GUCY1A2: variants seen among roughly 807,000 people sequenced by gnomAD.
GUCY1A2 encodes the protein guanylate cyclase 1 soluble subunit alpha 2.
Under a neutral mutation model 63.5 loss-of-function variants are expected in GUCY1A2, and 27 were observed. That is an observed-to-expected ratio of 0.43 (90% CI 0.31 to 0.59). The LOEUF is 0.59. GUCY1A2 is among the 20% of genes least tolerant of loss of function. The pLI is 0.11. For missense variants in GUCY1A2, 768 were observed against 913.3 expected, an observed-to-expected ratio of 0.84 and a Z score of 2.05; for synonymous variants, 364 against 343.5, an observed-to-expected ratio of 1.06 and a Z score of -0.66.
intron 4 of GUCY1A2, chr11:106,828,021 G>A (rs1370277487): frequency 1.5e-6 from 1 of 651,000 alleles, no homozygotes; most frequent in African/African-American, 1.8e-5. Context: ...CGGGTGCTCG[G>A]GCCCTTTGCC....
At chr11:106,720,853 A>G (rs1863303666) in intron 6 of GUCY1A2, among the ~76,000 whole-genome samples, 1 of 152,176 alleles carries the variant, frequency 6.6e-6, no homozygotes, top group Non-Finnish European at 1.5e-5. Flanking sequence ...TAAATTGTAG[A>G]CTTTAGCTAA....
rs12281221 is a variant in GUCY1A2 at position 106,678,157 on chromosome 11, A to G, written c.*9392T>C. 0.016 allele frequency: 3,191 copies of G among 196,926 alleles called. 95 individuals are homozygous for G. Among genetic ancestry groups the G allele is most frequent in the African/African-American group, 0.069 (2,983 of 43,382 alleles). 12.2% of individuals were successfully genotyped at this position (196,926 alleles called of 1,614,324 possible). On this transcript the variant is annotated 3_prime_UTR_variant, in exon 8 of 8. Coordinates refer to ENST00000526355, the MANE Select transcript of GUCY1A2 (RefSeq NM_000855.3). ...TCCCCCTGAATTACTTTAGATAATT[A>G]TACAGTCCTCTAGTTTATCTAGACC...
intron 6 of GUCY1A2, among the ~76,000 whole-genome samples, chr11:106,735,949 A>C (rs142486024): frequency 6.6e-6 from 1 of 152,056 alleles, no homozygotes; most frequent in Non-Finnish European, 1.5e-5. Context: ...GTGTCTATTC[A>C]GATCTTTTAC....
At chr11:106,874,557 G>C (rs962042091) in intron 4 of GUCY1A2, among the ~76,000 whole-genome samples, 3 of 152,010 alleles carry the variant, frequency 2.0e-5, no homozygotes, top group Admixed American at 6.6e-5. Context: ...GTATGCCATT[G>C]TTATTTTCCA....
chr11:106,926,262 C>A (rs532543577), intron 4 of GUCY1A2, among the ~76,000 whole-genome samples: 1 of 152,006 alleles, frequency 6.6e-6, no homozygotes, highest in South Asian at 2.1e-4. Context: ...TTCACTACTA[C>A]TACTAATAAC....
chr11:106,712,357 A>G (rs1306085656), intron 6 of GUCY1A2, among the ~76,000 whole-genome samples: 1 of 152,170 alleles, frequency 6.6e-6, no homozygotes, highest in African/African-American at 2.4e-5. Context: ...TCAATTTGGA[A>G]TTTTTAAAAA....
intron 5 of GUCY1A2, among the ~76,000 whole-genome samples, chr11:106,795,551 T>A (rs1209187895): frequency 6.6e-6 from 1 of 152,196 alleles, no homozygotes; most frequent in Non-Finnish European, 1.5e-5. Flanking sequence ...TGCATGTGCA[T>A]GCCCTCCATC....
chr11:106,831,299 T>C (rs990734839), intron 4 of GUCY1A2, among the ~76,000 whole-genome samples: 1 of 152,142 alleles, frequency 6.6e-6, no homozygotes, highest in Non-Finnish European at 1.5e-5. Context: ...CCCGTGAACA[T>C]GAACAACGTG....
chr11:106,842,220 G>T (rs968957622), intron 4 of GUCY1A2, among the ~76,000 whole-genome samples: 1 of 151,840 alleles, frequency 6.6e-6, no homozygotes, highest in Non-Finnish European at 1.5e-5. Context: ...CCCTTCCCTT[G>T]CTCCATCAAG....
rs1862474645 is a variant in GUCY1A2, at chr11:106,683,847, TG to T, written c.*3701del. On this transcript the variant is annotated 3_prime_UTR_variant, in exon 8 of 8. Coordinates refer to ENST00000526355, the MANE Select transcript of GUCY1A2 (RefSeq NM_000855.3). ...ATGGTCATAATTTTGAGCTCCTACC[TG>T]ATGCCTTACGACTTTAGATACACAA... is the stretch of plus-strand genomic sequence containing the variant. 1 of 208,194 alleles carries T rather than the reference TG, an allele frequency of 4.8e-6. No individual in the cohort carries two copies. 12.9% of individuals were successfully genotyped at this position (208,194 alleles called of 1,614,324 possible).
chr11:106,938,396 A>G (rs1860707485), intron 4 of GUCY1A2, among the ~76,000 whole-genome samples: 1 of 152,178 alleles, frequency 6.6e-6, no homozygotes, highest in Non-Finnish European at 1.5e-5. Context: ...TTATTATTCC[A>G]GAATATGTAT....
intron 3 of GUCY1A2, among the ~76,000 whole-genome samples, chr11:106,956,075 A>G (rs1434012828): frequency 2.6e-5 from 4 of 151,252 alleles, no homozygotes; most frequent in Admixed American, 1.3e-4. Context: ...TGCTTGGTCA[A>G]TTTGGCTGTT....
intron 4 of GUCY1A2, among the ~76,000 whole-genome samples, chr11:106,840,945 GTAA>G (rs971591065): frequency 6.6e-6 from 1 of 151,908 alleles, no homozygotes; most frequent in South Asian, 2.1e-4. Context: ...GTTCAAAATG[GTAA>G]TAATAGAAGT....
rs1258717008 is a variant in GUCY1A2 at position 106,676,582 on chromosome 11, C to G, written c.*10967G>C. ...AATGTTTCCAAACCCTCAATAAGAA[C>G]TCAAAACATCATACTATGCCAAGCT... is the stretch of plus-strand genomic sequence containing the variant. On this transcript the variant is annotated 3_prime_UTR_variant, in exon 8 of 8. Coordinates refer to ENST00000526355, the MANE Select transcript of GUCY1A2 (RefSeq NM_000855.3). 1 of 186,464 alleles carries G rather than the reference C, an allele frequency of 5.4e-6. No individual in the cohort carries two copies. Among genetic ancestry groups the G allele is most frequent in the African/African-American group, 2.3e-5 (1 of 42,692 alleles). The allele number at this position is 186,464 out of a possible 1,614,324, so 11.6% of individuals were successfully genotyped here.
intron 5 of GUCY1A2, among the ~76,000 whole-genome samples, chr11:106,788,297 T>G (rs985144675): frequency 1.3e-5 from 2 of 152,134 alleles, no homozygotes; most frequent in Admixed American, 6.5e-5. Flanking sequence ...AATCTCTTGT[T>G]AGATGGGTAG....
intron 1 of GUCY1A2, among the ~76,000 whole-genome samples, chr11:107,001,605 T>C (rs1056878440): frequency 6.6e-6 from 1 of 152,236 alleles, no homozygotes; most frequent in Non-Finnish European, 1.5e-5. Context: ...ACTTTGTTTT[T>C]GCTGTTGTTG....
At chr11:106,810,976 T>A (rs1394559858) in intron 4 of GUCY1A2, among the ~76,000 whole-genome samples, 3 of 152,110 alleles carry the variant, frequency 2.0e-5, no homozygotes, top group African/African-American at 4.8e-5. Flanking sequence ...TTATAGTACT[T>A]TTAAAATGTA....
chr11:106,867,588 A>G (rs1265262029), intron 4 of GUCY1A2, among the ~76,000 whole-genome samples: 1 of 152,118 alleles, frequency 6.6e-6, no homozygotes, highest in Non-Finnish European at 1.5e-5. Flanking sequence ...CTTATAACAT[A>G]TTTAATATAA....
At chr11:106,792,166 T>TC (rs1241840832) in intron 5 of GUCY1A2, among the ~76,000 whole-genome samples, 1 of 152,062 alleles carries the variant, frequency 6.6e-6, no homozygotes, top group African/African-American at 2.4e-5. Flanking sequence ...GGCAGGCAGA[T>TC]CACGAGGTCA....
Sources: gnomAD v4.1 joint callset for allele counts (sites outside exome capture counted in the v4.1 genomes callset) on GRCh38, gnomAD v4.1.1 for gene constraint, MANE v1.5 for transcripts, NCBI Gene and HGNC (gene_info 2026-07-23, HGNC 2026-07-21) for gene names.